CNBD1: variants seen among roughly 807,000 people sequenced by gnomAD.
CNBD1 encodes cyclic nucleotide-binding domain-containing protein 1.
A neutral mutation model predicts 54.4 loss-of-function variants in CNBD1; 71 were observed. That is an observed-to-expected ratio of 1.30 (90% CI 1.08 to 1.59). The LOEUF is 1.59. Ranked by LOEUF, CNBD1 falls within the 40% of genes most tolerant of loss-of-function variation. The pLI is 0.00. For synonymous variants in CNBD1, 182 were observed against 170.7 expected (o/e 1.07, Z -0.51); for missense variants, 659 against 518.0 (o/e 1.27, Z -2.64).
chr8:86,987,878 T>C (rs946430927), intron 4 of CNBD1, among the ~76,000 whole-genome samples: 2 of 152,208 alleles, frequency 1.3e-5, no homozygotes, highest in Non-Finnish European at 2.9e-5. Context: ...AACTTTCTCA[T>C]TTACTGCTGG....
intron 4 of CNBD1, among the ~76,000 whole-genome samples, chr8:87,123,275 C>A (rs1811925458): frequency 6.6e-6 from 1 of 151,612 alleles, no homozygotes; most frequent in Admixed American, 6.6e-5. Context: ...TATGTTAGGT[C>A]AGAAGACAAA....
chr8:86,957,793 C>T lies in CNBD1; in HGVS notation c.431+18039C>T, dbSNP rs143516542. Among the ~76,000 whole-genome samples the T allele has an allele frequency of 3.9e-3, 588 of 152,020 alleles. 4 individuals are homozygous for T. The highest frequency in any genetic ancestry group is 0.013 in the African/African-American group (538 of 41,486). On this transcript the variant is annotated intron_variant, in intron 4 of 10. Transcript: ENST00000518476. ...TTCAAAAAACCAGCTCTGGGTTCAT[C>T]GATTTTTTGTAGGATTTTTTTGTGT...
At chr8:86,984,354 G>A (rs1459524435) in intron 4 of CNBD1, among the ~76,000 whole-genome samples, 1 of 152,140 alleles carries the variant, frequency 6.6e-6, no homozygotes, top group African/African-American at 2.4e-5. Context: ...TTAGGGCAGA[G>A]GAAGGGAAAT....
intron 4 of CNBD1, among the ~76,000 whole-genome samples, chr8:87,155,567 TGA>T (rs1244233815): frequency 6.6e-6 from 1 of 152,194 alleles, no homozygotes; most frequent in Non-Finnish European, 1.5e-5. Flanking sequence ...GTATGATATT[TGA>T]GAGAGACAAT....
chr8:87,353,436 G>A (rs1810347201), intron 9 of CNBD1, among the ~76,000 whole-genome samples, 200 bp from the exon 10 acceptor site: 1 of 152,110 alleles, frequency 6.6e-6, no homozygotes, highest in African/African-American at 2.4e-5. Flanking sequence ...ATATGCCTAA[G>A]TTATCTATGA....
At chr8:87,159,440 T>C (rs1812811433) in intron 4 of CNBD1, among the ~76,000 whole-genome samples, 1 of 152,124 alleles carries the variant, frequency 6.6e-6, no homozygotes, top group South Asian at 2.1e-4. Flanking sequence ...AAATACAACA[T>C]TGTGCAATGG....
chr8:87,375,119 A>G (rs1362545108), intron 10 of CNBD1, among the ~76,000 whole-genome samples: 3 of 151,952 alleles, frequency 2.0e-5, no homozygotes, highest in African/African-American at 7.2e-5. Flanking sequence ...TAAAGAAGAT[A>G]TACACTATTG....
At position 87,360,300 on chromosome 8, in the gene CNBD1, A is replaced by G. The variant is rs185357386; in HGVS notation, c.1303+6514A>G. ...CAGCAATTAGTTTTGTAATATTTAA[A>G]AGGACTTGAGGAGTGGCTTATTTGT... On this transcript the variant is annotated intron_variant, in intron 10 of 10. Transcript: ENST00000518476. Among the ~76,000 whole-genome samples, 310 of 152,056 alleles carry G rather than the reference A, an allele frequency of 2.0e-3. 2 individuals are homozygous for G. The highest frequency in any genetic ancestry group is 7.0e-3 in the African/African-American group (291 of 41,538).
intron 4 of CNBD1, among the ~76,000 whole-genome samples, chr8:87,187,392 G>A (rs1269204248): frequency 6.6e-6 from 1 of 151,456 alleles, no homozygotes; most frequent in African/African-American, 2.4e-5. Flanking sequence ...AATTACCATG[G>A]TTCTAACTTT....
At chr8:87,407,209 C>T (rs949843634) in intron 2 of CNBD1, among the ~76,000 whole-genome samples, 4 of 152,034 alleles carry the variant, frequency 2.6e-5, no homozygotes, top group African/African-American at 9.7e-5. Flanking sequence ...ACCTTTCTCA[C>T]TGGTAATATT....
At chr8:87,320,623 G>T (rs928651828) in intron 8 of CNBD1, among the ~76,000 whole-genome samples, 2 of 148,010 alleles carry the variant, frequency 1.4e-5, no homozygotes, top group African/African-American at 5.1e-5. Context: ...TGTGTGTGGG[G>T]GGGCGGCTCA....
chr8:86,951,330 T>C (rs995332994), intron 4 of CNBD1, among the ~76,000 whole-genome samples: 7 of 151,886 alleles, frequency 4.6e-5, no homozygotes, highest in Admixed American at 1.3e-4. Context: ...GGCTCATGCT[T>C]GTAATCCCAG....
chr8:87,254,136 C>T (rs773420119), intron 6 of CNBD1, among the ~76,000 whole-genome samples: 1 of 152,112 alleles, frequency 6.6e-6, no homozygotes, highest in Non-Finnish European at 1.5e-5. Flanking sequence ...ATAGTAGTGA[C>T]ACCATGTCAT....
At chr8:87,226,164 A>T (rs1399305142) in intron 5 of CNBD1, among the ~76,000 whole-genome samples, 1 of 151,644 alleles carries the variant, frequency 6.6e-6, no homozygotes, top group African/African-American at 2.4e-5. Context: ...GTGGTCTATC[A>T]ATTTTGTTGA....
chr8:87,188,759 A>T (rs912112114), intron 4 of CNBD1, among the ~76,000 whole-genome samples: 23 of 150,888 alleles, frequency 1.5e-4, no homozygotes, highest in Admixed American at 4.6e-4. Flanking sequence ...AAAAAAAAAA[A>T]AAAATAAAAA....
In CNBD1 at chr8:87,092,485, ATG is replaced by A. The variant is rs149583313; in HGVS notation, c.432-113498_432-113497del. 2.3e-3 allele frequency among the ~76,000 whole-genome samples: 316 copies of A among 137,664 alleles called. 1 individual carries two copies. The Middle Eastern group carries it at 0.032, about 14-fold the overall frequency. 90.3% of individuals were successfully genotyped at this position (137,664 alleles called of 152,430 possible). On this transcript the variant is annotated intron_variant, in intron 4 of 10. Transcript: ENST00000518476. ...TGTGTGTGTGTATATATATACACATATGTGTGTGTGTATATATATGTGTGTGT... is the reference window on the plus strand; with the variant it reads ...TGTGTGTGTGTATATATATACACATATGTGTGTGTATATATATGTGTGTGT...
At chr8:87,394,741 A>G (rs1811378078) in intron 2 of CNBD1, among the ~76,000 whole-genome samples, 1 of 151,930 alleles carries the variant, frequency 6.6e-6, no homozygotes, top group South Asian at 2.1e-4. Context: ...ATTTTTTAAC[A>G]AATTGTTTTA....
intron 4 of CNBD1, among the ~76,000 whole-genome samples, chr8:87,194,214 T>C (rs1232997086): frequency 2.6e-5 from 4 of 152,190 alleles, no homozygotes; most frequent in Non-Finnish European, 5.9e-5. Context: ...AACAATGGCC[T>C]AGTGTACAGT....
intron 2 of CNBD1, among the ~76,000 whole-genome samples, chr8:87,391,172 C>T (rs1381545211): frequency 1.3e-5 from 2 of 152,148 alleles, no homozygotes; most frequent in East Asian, 3.9e-4. Context: ...AGCACAACAA[C>T]ATGGCATATG....
Sources: allele counts gnomAD v4.1 joint callset (sites outside exome capture counted in the v4.1 genomes callset), GRCh38; gene constraint gnomAD v4.1.1; transcripts MANE v1.5; gene names NCBI Gene and HGNC (gene_info 2026-07-23, HGNC 2026-07-21).